The following PCDH11X variants were observed in gnomAD, a reference collection of about 807,000 sequenced individuals.
The protein encoded by PCDH11X is protocadherin 11 X-linked.
A neutral mutation model predicts 53.3 loss-of-function variants in PCDH11X; 18 were observed. The ratio of observed to expected loss-of-function variants is 0.34; its 90% confidence interval spans 0.23 to 0.50. PCDH11X has a LOEUF of 0.50. PCDH11X is among the 20% of genes least tolerant of loss of function. The probability of loss-of-function intolerance (pLI) is 0.98; values close to 1 mark genes in which losing one functional copy is unlikely to be tolerated. For synonymous variants in PCDH11X, 279 were observed against 393.3 expected (o/e 0.71, Z 3.44); for missense variants, 570 against 1,032.4 (o/e 0.55, Z 6.14).
In PCDH11X at chrX:91,811,278, T is replaced by C; in HGVS notation, c.-62T>C. ...ATGAGGACTGAACGACAGTGGGTTTTAATTCAGATATTTCAAGGTGAGTTT... is the reference window on the plus strand; with the variant it reads ...ATGAGGACTGAACGACAGTGGGTTTCAATTCAGATATTTCAAGGTGAGTTT... On this transcript the variant is annotated 5_prime_UTR_variant, in exon 4 of 11. Coordinates refer to ENST00000682573, the MANE Select transcript of PCDH11X (RefSeq NM_032968.5). 2 of 1,207,020 alleles carry C rather than the reference T, an allele frequency of 1.7e-6. No homozygotes were observed. The highest frequency in any genetic ancestry group is 2.2e-6 in the Non-Finnish European group (2 of 891,691).
At chrX:92,466,660 G>A (rs2073162725) in intron 9 of PCDH11X, among the ~76,000 whole-genome samples, 1 of 109,520 alleles carries the variant, frequency 9.1e-6, no homozygotes, top group South Asian at 3.8e-4. Context: ...TTCAATTTGG[G>A]AACTAAAAGT....
intron 6 of PCDH11X, among the ~76,000 whole-genome samples, chrX:92,198,085 T>C (rs1013228342): frequency 2.7e-5 from 3 of 109,440 alleles, no homozygotes; most frequent in Non-Finnish European, 5.7e-5. Flanking sequence ...GCATTCCACA[T>C]TTCTCCTGAA....
intron 10 of PCDH11X, among the ~76,000 whole-genome samples, chrX:92,507,959 C>G (rs1351879371): frequency 9.2e-6 from 1 of 108,895 alleles, no homozygotes; most frequent in African/African-American, 3.3e-5. Context: ...ATTACAGGCG[C>G]CCGCCACCAT....
At chrX:92,091,067 C>G (rs1233587205) in intron 6 of PCDH11X, among the ~76,000 whole-genome samples, 1 of 111,600 alleles carries the variant, frequency 9.0e-6, no homozygotes, top group East Asian at 2.8e-4. Context: ...ATTCATGAAC[C>G]ACTCTGATTG....
At chrX:91,783,436 T>A (rs2147507368) in intron 1 of PCDH11X, among the ~76,000 whole-genome samples, 1 of 112,200 alleles carries the variant, frequency 8.9e-6, no homozygotes, top group Non-Finnish European at 1.9e-5. Flanking sequence ...GCAGAAGGGA[T>A]TGCAGGTTTC....
At chrX:91,843,263 ATGTGTGTGTGTGTGTGTG>A (rs3067347) in intron 5 of PCDH11X, among the ~76,000 whole-genome samples, 11 of 91,402 alleles carry the variant, frequency 1.2e-4, no homozygotes, top group South Asian at 6.0e-4. Context: ...ATACATACTT[ATGTGTGTGTGTGTGTGTG>A]TGTGTGTGTG....
intron 9 of PCDH11X, among the ~76,000 whole-genome samples, chrX:92,454,191 A>G (rs1252493898): frequency 9.6e-6 from 1 of 103,968 alleles, no homozygotes; most frequent in Non-Finnish European, 2.0e-5. Context: ...ATATATAATT[A>G]TATGTGTAGT....
At chrX:92,606,347 T>G (rs1346984481) in intron 10 of PCDH11X, among the ~76,000 whole-genome samples, 1 of 110,045 alleles carries the variant, frequency 9.1e-6, no homozygotes, top group Admixed American at 9.8e-5. Flanking sequence ...TAACTAAGCC[T>G]TTTCCATTTT....
chrX:91,828,744 G>A (rs1369757397), intron 4 of PCDH11X, among the ~76,000 whole-genome samples: 1 of 111,615 alleles, frequency 9.0e-6, no homozygotes. Context: ...TATGGATTGT[G>A]CAACTCCAAA....
rs1164587778 is a variant in PCDH11X at position 92,523,878 on chromosome X, T to C, written c.3367+55556T>C. ...TTATCCTTCACCTCACAATCCATCA[T>C]ACATTTGTTTTTATGTAATTTTTAG... On this transcript the variant is annotated intron_variant, in intron 10 of 10. Coordinates refer to ENST00000682573, the MANE Select transcript of PCDH11X (RefSeq NM_032968.5). Among the ~76,000 whole-genome samples, 4 of 111,673 alleles carry C rather than the reference T, an allele frequency of 3.6e-5. No individual in the cohort carries two copies. In the East Asian group the frequency reaches 1.1e-3, roughly 31 times the overall value.
At chrX:91,949,064 A>G (rs2061608716) in intron 6 of PCDH11X, among the ~76,000 whole-genome samples, 1 of 110,634 alleles carries the variant, frequency 9.0e-6, no homozygotes, top group African/African-American at 3.3e-5. Flanking sequence ...CAATATACAA[A>G]TACATACACA....
chrX:92,273,929 G>A (rs1355177229), intron 8 of PCDH11X, among the ~76,000 whole-genome samples: 2 of 110,138 alleles, frequency 1.8e-5, no homozygotes, highest in Admixed American at 1.9e-4. Flanking sequence ...AGTTTAGAGT[G>A]GCAGTTTGGG....
chrX:92,087,949 TATATAA>T (rs1280653083), intron 6 of PCDH11X, among the ~76,000 whole-genome samples: 2 of 98,655 alleles, frequency 2.0e-5, no homozygotes, highest in African/African-American at 8.2e-5. Context: ...ATATGATATA[TATATAA>T]GAAATATATA....
intron 4 of PCDH11X, among the ~76,000 whole-genome samples, chrX:91,828,713 C>A (rs1371106784): frequency 9.0e-6 from 1 of 111,492 alleles, no homozygotes; most frequent in Non-Finnish European, 1.9e-5. Context: ...GCTTAGCGTT[C>A]TAAGATGTGT....
chrX:92,286,424 C>T (rs2068373753), intron 8 of PCDH11X, among the ~76,000 whole-genome samples: 1 of 94,790 alleles, frequency 1.1e-5, no homozygotes, highest in Admixed American at 1.2e-4. Context: ...AGCATTGTTC[C>T]TCTTAAGGTT....
chrX:92,482,542 C>T (rs2073531638), intron 10 of PCDH11X, among the ~76,000 whole-genome samples: 2 of 111,820 alleles, frequency 1.8e-5, no homozygotes, highest in Non-Finnish European at 3.8e-5. Flanking sequence ...TTGTTAAATA[C>T]ACCTTGAAGT....
intron 7 of PCDH11X, among the ~76,000 whole-genome samples, chrX:92,261,852 G>A (rs1382743687): frequency 9.0e-6 from 1 of 111,139 alleles, no homozygotes; most frequent in Non-Finnish European, 1.9e-5. Context: ...ACACTTTCTT[G>A]GAAGAGATTA....
At chrX:92,408,717 G>A (rs1354794326) in intron 9 of PCDH11X, among the ~76,000 whole-genome samples, 2 of 110,284 alleles carry the variant, frequency 1.8e-5, no homozygotes, top group Non-Finnish European at 3.8e-5. Context: ...TCAGCAGCTG[G>A]GACTACAGGT....
intron 6 of PCDH11X, among the ~76,000 whole-genome samples, chrX:91,959,293 T>C (rs1421738257): frequency 9.0e-6 from 1 of 111,271 alleles, no homozygotes; most frequent in African/African-American, 3.3e-5. Flanking sequence ...ATCCTTTTTT[T>C]TTCTTTTTGA....
Sources: gnomAD v4.1 joint callset for allele counts (sites outside exome capture counted in the v4.1 genomes callset) on GRCh38, gnomAD v4.1.1 for gene constraint, MANE v1.5 for transcripts, NCBI Gene and HGNC (gene_info 2026-07-23, HGNC 2026-07-21) for gene names.